SLC30A9: variants seen among roughly 807,000 people sequenced by gnomAD.
SLC30A9 encodes proton-coupled zinc antiporter SLC30A9, mitochondrial.
A neutral mutation model predicts 87.5 loss-of-function variants in SLC30A9; 58 were observed. The ratio of observed to expected loss-of-function variants is 0.66; its 90% CI spans 0.54 to 0.82. SLC30A9 has a LOEUF of 0.82. Among genes scored for constraint, SLC30A9 ranks in the 40% least tolerant of loss-of-function variants. The probability of loss-of-function intolerance (pLI) is 0.00; values close to 1 mark genes in which losing one functional copy is unlikely to be tolerated. For missense variants in SLC30A9, 557 were observed against 679.1 expected (o/e 0.82, Z 2.00); for synonymous variants, 234 against 233.0 (o/e 1.00, Z -0.04).
rs1031192870 is a variant in SLC30A9, at chr4:42,070,714, T to C, written c.1418+23T>C. 4 of 1,580,246 alleles carry C rather than the reference T, an allele frequency of 2.5e-6. No individual in the cohort carries two copies. The African/African-American group carries it at 5.4e-5, about 21-fold the overall frequency. On this transcript the variant is annotated intron_variant, in intron 15 of 17. Transcript: ENST00000264451. ...AAGGTCAGCCTTATTCCAGTAATCC[T>C]GTTAAGGCTTACAAAAACATATTAA...
rs1309564103 is a variant in SLC30A9, at chr4:42,067,087, A to G, written c.1147A>G (p.Met383Val). The G allele has an allele frequency of 6.3e-7, 1 of 1,599,854 alleles. No individual in the cohort carries two copies. Among genetic ancestry groups the G allele is most frequent in the Non-Finnish European group, 8.6e-7 (1 of 1,168,024 alleles). The change falls in exon 14 of 18, where the codon ATG becomes GTG. Residue 383 changes from methionine to valine, a missense_variant and splice_region_variant. Coordinates refer to ENST00000264451, the MANE Select transcript of SLC30A9 (RefSeq NM_006345.4). ...CTTGTCTCTTCCCCAATGACTAGTA[A>G]TGGAAAGTCGTGATCCTAGTACAAA... The part of the protein sequence containing the change: ...AKGMSFYKYV[M>V]ESRDPSTNVI...
chr4:41,999,240 A>G (rs1714875448), intron 1 of SLC30A9, among the ~76,000 whole-genome samples: 1 of 152,260 alleles, frequency 6.6e-6, no homozygotes, highest in African/African-American at 2.4e-5. Flanking sequence ...CTGGTAAATA[A>G]AGGGAAAGAA....
chr4:42,083,599 A>G (rs1415605442), intron 17 of SLC30A9, among the ~76,000 whole-genome samples: 1 of 152,150 alleles, frequency 6.6e-6, no homozygotes, highest in Non-Finnish European at 1.5e-5. Flanking sequence ...GCAAATTTTT[A>G]GGCTTTTTTT....
At chr4:42,019,314 C>T (rs559444841) in intron 3 of SLC30A9, among the ~76,000 whole-genome samples, 103 of 152,182 alleles carry the variant, frequency 6.8e-4, no homozygotes, top group African/African-American at 2.3e-3. Flanking sequence ...TATCATATGA[C>T]CAAAAGTCTC....
chr4:42,066,838 A>G (rs1718096051), intron 13 of SLC30A9, among the ~76,000 whole-genome samples: 1 of 152,186 alleles, frequency 6.6e-6, no homozygotes, highest in Non-Finnish European at 1.5e-5. Context: ...TAAGTGAACT[A>G]AGGTATTTCT....
At chr4:42,061,946 G>T (rs186756817) in intron 10 of SLC30A9, among the ~76,000 whole-genome samples, 1 of 151,176 alleles carries the variant, frequency 6.6e-6, no homozygotes, top group East Asian at 1.9e-4. Context: ...TGTAATCCCA[G>T]CACTTTGGGA....
At chr4:41,991,267 G>C (rs1714426603) in intron 1 of SLC30A9, among the ~76,000 whole-genome samples, 1 of 152,220 alleles carries the variant, frequency 6.6e-6, no homozygotes, top group South Asian at 2.1e-4. Flanking sequence ...GAAGAAGTAC[G>C]AAAGTATCCG....
chr4:42,018,233 GT>G, intron 3 of SLC30A9, 63 bp downstream of exon 3: 1 of 941,750 alleles, frequency 1.1e-6, no homozygotes, highest in Non-Finnish European at 1.6e-6. Flanking sequence ...TATAACATTG[GT>G]TTATGTAGAG....
At chr4:42,057,344 C>T (rs571524729) in intron 9 of SLC30A9, among the ~76,000 whole-genome samples, 1 of 152,312 alleles carries the variant, frequency 6.6e-6, no homozygotes, top group East Asian at 1.9e-4. Flanking sequence ...CAGGTGTTTC[C>T]CATACATCCT....
At chr4:41,991,988 A>G (rs1391939344) in intron 1 of SLC30A9, among the ~76,000 whole-genome samples, 2 of 152,172 alleles carry the variant, frequency 1.3e-5, no homozygotes, top group African/African-American at 4.8e-5. Context: ...GAAAAGTGTA[A>G]CTGTTGAGTT....
intron 17 of SLC30A9, among the ~76,000 whole-genome samples, chr4:42,083,931 G>A (rs909468758): frequency 2.6e-5 from 4 of 152,132 alleles, no homozygotes; most frequent in Non-Finnish European, 2.9e-5. Context: ...ACACCTGAGC[G>A]ACACTAGTTA....
intron 8 of SLC30A9, among the ~76,000 whole-genome samples, chr4:42,040,543 A>G (rs73151343): frequency 6.6e-6 from 1 of 152,248 alleles, no homozygotes; most frequent in African/African-American, 2.4e-5. Flanking sequence ...TGTTAACATT[A>G]AGAAAAAGGT....
chr4:42,023,522 G>T, intron 6 of SLC30A9, 138 bp downstream of exon 6: 5 of 573,126 alleles, frequency 8.7e-6, no homozygotes, highest in South Asian at 2.7e-5. Flanking sequence ...TTTCCGTTTT[G>T]GGATTCAATT....
In SLC30A9 at chr4:42,070,520, A is replaced by G; in HGVS notation, c.1253-6A>G. The G allele has an allele frequency of 6.2e-7, 1 of 1,606,324 alleles. No individual in the cohort carries two copies. Among genetic ancestry groups the G allele is most frequent in the Non-Finnish European group, 8.5e-7 (1 of 1,175,676 alleles). On this transcript the variant is annotated splice_region_variant and splice_polypyrimidine_tract_variant and intron_variant, in intron 14 of 17. Coordinates refer to ENST00000264451, the MANE Select transcript of SLC30A9 (RefSeq NM_006345.4). ...ATTTACTGATTTTTTTATGTGCTTC[A>G]TTTAGGCAATCCACTGTATGACAGC...
At chr4:41,990,788 C>T (rs1367116911) in intron 1 of SLC30A9, 28 bp downstream of exon 1, 1 of 1,531,036 alleles carries the variant, frequency 6.5e-7, no homozygotes, top group Non-Finnish European at 9.0e-7. Context: ...GCCGCTGGCT[C>T]CGTAGAAGCC....
Position 42,066,600 on chromosome 4 carries a change from G to C in SLC30A9, c.1123G>C (p.Gly375Arg). 1 of 1,607,392 alleles carries C rather than the reference G, an allele frequency of 6.2e-7. No homozygotes were observed. The highest frequency in any genetic ancestry group is 1.7e-5 in the Admixed American group (1 of 59,478). ...ACTTCGTAGGAATGCTCGGGCTAAAGGAATGTCATTTTACAAGTATGGTAT... is the reference window on the plus strand; with the variant it reads ...ACTTCGTAGGAATGCTCGGGCTAAACGAATGTCATTTTACAAGTATGGTAT... ...NELRRNARAK[G>R]MSFYKYVMES... The change falls in exon 13 of 18, where the codon GGA becomes CGA. Residue 375 changes from glycine to arginine, a missense_variant. This residue lies in a region of SLC30A9 where 467 missense variants were observed against 529.8 expected (regional missense o/e 0.88). Coordinates refer to ENST00000264451, the MANE Select transcript of SLC30A9 (RefSeq NM_006345.4).
intron 6 of SLC30A9, among the ~76,000 whole-genome samples, chr4:42,030,456 A>G (rs1716377369): frequency 6.6e-6 from 1 of 152,092 alleles, no homozygotes; most frequent in Admixed American, 6.5e-5. Context: ...TTTAATGTAT[A>G]GTACTATAGG....
At chr4:42,011,580 A>G (rs1715446251) in intron 2 of SLC30A9, among the ~76,000 whole-genome samples, 1 of 152,200 alleles carries the variant, frequency 6.6e-6, no homozygotes, top group Admixed American at 6.5e-5. Context: ...GGAGAATGAA[A>G]GGATATACCC....
chr4:42,056,949 C>T (rs765999725), intron 9 of SLC30A9, among the ~76,000 whole-genome samples: 2 of 152,186 alleles, frequency 1.3e-5, no homozygotes, highest in Non-Finnish European at 2.9e-5. Flanking sequence ...CAGAATCCAG[C>T]GGGGCAGTCA....
Sources: allele counts gnomAD v4.1 joint callset (sites outside exome capture counted in the v4.1 genomes callset), GRCh38; gene constraint gnomAD v4.1.1; regional missense constraint gnomAD v4.1.1; transcripts MANE v1.5; gene names NCBI Gene and HGNC (gene_info 2026-07-23, HGNC 2026-07-21).